ZNF236: variants seen among roughly 807,000 people sequenced by gnomAD.
ZNF236 encodes the protein zinc finger protein 236, also known as regulated by glucose.
ZNF236 carries 50 observed loss-of-function variants against 191.2 expected under a neutral mutation model. The ratio of observed to expected loss-of-function variants is 0.26; its 90% CI spans 0.21 to 0.33. The LOEUF (loss-of-function observed/expected upper bound fraction) is 0.33. Among genes scored for constraint, ZNF236 ranks in the 10% least tolerant of loss-of-function variants. ZNF236 has a pLI of 1.00. For synonymous variants in ZNF236, 907 were observed against 928.8 expected, an observed-to-expected ratio of 0.98 and a Z score of 0.43; for missense variants, 1,754 against 2,374.5, an observed-to-expected ratio of 0.74 and a Z score of 5.43.
At chr18:76,847,527 G>A (rs1190900300) in intron 1 of ZNF236, among the ~76,000 whole-genome samples, 1 of 151,636 alleles carries the variant, frequency 6.6e-6, no homozygotes, top group Admixed American at 6.6e-5. Context: ...GTGCAGTGGC[G>A]CGATCTCAGC....
chr18:76,866,330 G>C (rs1239541719), intron 3 of ZNF236, among the ~76,000 whole-genome samples: 2 of 152,184 alleles, frequency 1.3e-5, no homozygotes, highest in African/African-American at 4.8e-5. Flanking sequence ...TTTATTTTGT[G>C]TGTTGAGCAG....
intron 5 of ZNF236, among the ~76,000 whole-genome samples, chr18:76,873,705 A>G (rs1414644637): frequency 6.6e-6 from 1 of 152,230 alleles, no homozygotes; most frequent in African/African-American, 2.4e-5. Flanking sequence ...GGCTGAGTAC[A>G]TTGCAGCATC....
At chr18:76,920,230 T>C (rs17060086) in intron 20 of ZNF236, among the ~76,000 whole-genome samples, 172 bp downstream of exon 20, 52,077 of 152,008 alleles carry the variant, frequency 0.34, 9,312 homozygotes, top group East Asian at 0.52. Flanking sequence ...ATTAGTTCTC[T>C]GTAGTAAACT....
chr18:76,888,677 T>G (rs2122679381), intron 9 of ZNF236: 1 of 152,410 alleles, frequency 6.6e-6, no homozygotes, highest in Middle Eastern at 3.4e-3. Flanking sequence ...CCAGGGTCCT[T>G]TGTTGGAACC....
chr18:76,918,599 A>T (rs1046092462), intron 19 of ZNF236, among the ~76,000 whole-genome samples: 11 of 151,826 alleles, frequency 7.2e-5, no homozygotes, highest in East Asian at 1.9e-4. Flanking sequence ...ATTTAAAAAA[A>T]TTTTTTTTTG....
At chr18:76,964,412 T>C (rs1434200176) in intron 30 of ZNF236, among the ~76,000 whole-genome samples, 1 of 152,228 alleles carries the variant, frequency 6.6e-6, no homozygotes, top group Non-Finnish European at 1.5e-5. Flanking sequence ...TATTCCACTG[T>C]GGTCTGAGAG....
chr18:76,888,513 CTAAT>C (rs1406194847), intron 9 of ZNF236: 2 of 152,296 alleles, frequency 1.3e-5, no homozygotes, highest in Non-Finnish European at 2.9e-5. Flanking sequence ...CAGTCCCTCT[CTAAT>C]TAGATGTTGG....
At chr18:76,823,001 A>G (rs1974905048) in intron 1 of ZNF236, among the ~76,000 whole-genome samples, 1 of 146,580 alleles carries the variant, frequency 6.8e-6, no homozygotes, top group South Asian at 2.2e-4. Context: ...GCTGAACTTG[A>G]GGGAAAGTGG....
rs183930503 is a variant in ZNF236, at chr18:76,854,759, T to A, written c.363+2820T>A. On this transcript the variant is annotated intron_variant, in intron 3 of 30. Coordinates refer to ENST00000320610, the MANE Select transcript of ZNF236 (RefSeq NM_001306089.2). ...CTTAGGATGGATTCCTACAGTTAGA[T>A]TAATTGAATTAACAAATAAGACTTT... Among the ~76,000 whole-genome samples the A allele has an allele frequency of 2.4e-3, 358 of 152,320 alleles. 1 individual carries two copies. The highest frequency in any genetic ancestry group is 6.8e-3 in the Middle Eastern group (2 of 294).
At position 76,950,944 on chromosome 18, in the gene ZNF236, C is replaced by T. The variant is rs529154513; in HGVS notation, c.4914+3292C>T. ...CAACATTCATCTCTTTGTACATCTC[C>T]ATCACAGCTCTTGGGTGACCAGGTG... is the stretch of plus-strand genomic sequence containing the variant. On this transcript the variant is annotated intron_variant, in intron 27 of 30. Transcript: ENST00000320610. Among the ~76,000 whole-genome samples the T allele has an allele frequency of 1.1e-4, 17 of 152,348 alleles. No homozygotes were observed. The South Asian group carries it at 2.7e-3, about 24-fold the overall frequency.
intron 27 of ZNF236, among the ~76,000 whole-genome samples, chr18:76,950,219 T>A (rs892599147): frequency 9.8e-5 from 15 of 152,358 alleles, no homozygotes; most frequent in Non-Finnish European, 2.2e-4. Context: ...TAGCATGCAA[T>A]GATGTTTGAT....
At chr18:76,948,354 G>A (rs1301441909) in intron 27 of ZNF236, among the ~76,000 whole-genome samples, 11 of 152,090 alleles carry the variant, frequency 7.2e-5, no homozygotes, top group South Asian at 4.1e-4. Context: ...GAGATATAAC[G>A]AGCACTGGGG....
intron 15 of ZNF236, among the ~76,000 whole-genome samples, 182 bp downstream of exon 15, chr18:76,910,351 AG>A (rs1967185133): frequency 6.6e-6 from 1 of 152,130 alleles, no homozygotes; most frequent in Non-Finnish European, 1.5e-5. Flanking sequence ...TGGTCTGCTT[AG>A]GTCTTCTGGA....
In ZNF236 at chr18:76,919,228, C is replaced by T. The variant is rs995190590; in HGVS notation, c.3275-548C>T. Among the ~76,000 whole-genome samples the T allele has an allele frequency of 2.6e-5, 4 of 152,156 alleles. No homozygotes were observed. Among genetic ancestry groups the T allele is most frequent in the African/African-American group, 4.8e-5 (2 of 41,430 alleles). ...TGTAGAAGCAGGTCTTTAATCTGAG[C>T]GTCTTCCTAATGTTGGTCATCACTC... is the stretch of plus-strand genomic sequence containing the variant. On this transcript the variant is annotated intron_variant, in intron 19 of 30. Transcript: ENST00000320610. This position sits in a 1 kb window ranked among gnomAD's most constrained non-coding sequence, Gnocchi z 5.3.
intron 19 of ZNF236, among the ~76,000 whole-genome samples, chr18:76,917,954 C>T (rs1387721566): frequency 6.6e-6 from 1 of 152,102 alleles, no homozygotes; most frequent in South Asian, 2.1e-4. Flanking sequence ...GTCCTTTGCT[C>T]CCCTCTCTTT....
At chr18:76,882,688 T>G (rs1175492671) in intron 9 of ZNF236, among the ~76,000 whole-genome samples, 1 of 152,226 alleles carries the variant, frequency 6.6e-6, no homozygotes, top group Non-Finnish European at 1.5e-5. Flanking sequence ...TTCTTGTTTC[T>G]CAAACCACAC....
intron 1 of ZNF236, among the ~76,000 whole-genome samples, chr18:76,830,471 C>G (rs919975751): frequency 6.6e-6 from 1 of 152,152 alleles, no homozygotes. Flanking sequence ...TCCTGGCTTC[C>G]TCTCCTACCA....
intron 21 of ZNF236, among the ~76,000 whole-genome samples, chr18:76,923,925 T>G (rs1400297377): frequency 2.0e-5 from 3 of 152,220 alleles, no homozygotes; most frequent in Non-Finnish European, 4.4e-5. Context: ...AAACGCACAG[T>G]GAATGCAGAG....
intron 11 of ZNF236, among the ~76,000 whole-genome samples, chr18:76,902,530 G>A (rs1444876320): frequency 6.6e-6 from 1 of 151,506 alleles, no homozygotes; most frequent in Non-Finnish European, 1.5e-5. Flanking sequence ...GCATGTGTAG[G>A]GAAGGTGGTA....
Sources: allele counts gnomAD v4.1 joint callset (sites outside exome capture counted in the v4.1 genomes callset), GRCh38; gene constraint gnomAD v4.1.1; non-coding constraint Gnocchi (gnomAD v3.1); transcripts MANE v1.5; gene names NCBI Gene and HGNC (gene_info 2026-07-23, HGNC 2026-07-21).